Variants in DNAH7 observed in about 807,000 individuals in gnomAD.
DNAH7 encodes axonemal beta dynein heavy chain 7.
DNAH7 carries 397 observed loss-of-function variants against 444.6 expected under a neutral mutation model. That is an observed-to-expected ratio of 0.89 (90% CI 0.82 to 0.97). DNAH7 has a LOEUF of 0.97. Among genes scored for constraint, DNAH7 ranks in the 50% least tolerant of loss-of-function variants. DNAH7 has a pLI of 0.00. For synonymous variants in DNAH7, 1,636 were observed against 1,624.4 expected, an observed-to-expected ratio of 1.01 and a Z score of -0.17; for missense variants, 4,902 against 4,800.8, an observed-to-expected ratio of 1.02 and a Z score of -0.62.
chr2:196,011,777 A>G (rs1399807535), intron 10 of DNAH7, among the ~76,000 whole-genome samples: 5 of 152,144 alleles, frequency 3.3e-5, no homozygotes, highest in Admixed American at 2.6e-4. Flanking sequence ...ATAATTCAAT[A>G]AAGGTTTGTA....
chr2:195,871,018 G>C (rs1369628479), intron 40 of DNAH7, among the ~76,000 whole-genome samples: 1 of 152,114 alleles, frequency 6.6e-6, no homozygotes, highest in African/African-American at 2.4e-5. Flanking sequence ...CCTGGGAAGT[G>C]GGTCCCATTC....
chr2:195,994,850 G>A, intron 12 of DNAH7: 1 of 426,530 alleles, frequency 2.3e-6, no homozygotes, highest in Non-Finnish European at 4.6e-6. Flanking sequence ...TCCTGACTGA[G>A]CTTGGTTGCT....
intron 49 of DNAH7, among the ~76,000 whole-genome samples, chr2:195,823,379 A>G (rs898580117): frequency 6.6e-6 from 1 of 152,176 alleles, no homozygotes; most frequent in African/African-American, 2.4e-5. Flanking sequence ...GTCACTTTGC[A>G]TACACATTAT....
At chr2:195,793,099 T>TTTTA (rs1345856167) in intron 57 of DNAH7, among the ~76,000 whole-genome samples, 1 of 151,846 alleles carries the variant, frequency 6.6e-6, no homozygotes, top group East Asian at 1.9e-4. Flanking sequence ...CTGGCTAATT[T>TTTTA]TTTATTTATT....
intron 27 of DNAH7, chr2:195,901,046 C>A (rs574387133): frequency 1.9e-4 from 29 of 152,168 alleles, no homozygotes; most frequent in African/African-American, 7.0e-4. Context: ...AATGTTATGA[C>A]TTTATACCTT....
rs201765082 is a variant in DNAH7, at chr2:195,861,874, G to T, written c.7579C>A (p.Arg2527=). 2 of 1,613,934 alleles carry T rather than the reference G, an allele frequency of 1.2e-6. No individual in the cohort carries two copies. Among genetic ancestry groups the T allele is most frequent in the Non-Finnish European group, 1.7e-6 (2 of 1,179,850 alleles). Residue 2527 remains arginine, a synonymous_variant, in exon 42 of 65, where the codon CGA becomes AGA. Coordinates refer to ENST00000312428, the MANE Select transcript of DNAH7 (RefSeq NM_018897.3). ...LEEIEMSEEI[R]DGCIDMCKSF... is the part of the protein sequence containing the mutation. ...TTACACATGTCGATACAGCCATCTC[G>T]TATTTCCTCTGACATTTCAATTTCT...
At chr2:195,886,086 A>G in intron 34 of DNAH7, 55 bp downstream of exon 34, 1 of 1,530,250 alleles carries the variant, frequency 6.5e-7, no homozygotes, top group Non-Finnish European at 8.8e-7. Flanking sequence ...AGCTTTGGGG[A>G]AAGCAGTAGA....
chr2:195,798,589 G>A (rs959965189), intron 55 of DNAH7, among the ~76,000 whole-genome samples: 1 of 141,996 alleles, frequency 7.0e-6, no homozygotes, highest in Non-Finnish European at 1.5e-5. Flanking sequence ...TGTCGCCCAG[G>A]CTGGAGTGCT....
chr2:195,883,449 G>A (rs189528589), intron 35 of DNAH7, among the ~76,000 whole-genome samples: 4,601 of 135,722 alleles, frequency 0.034, 122 homozygotes, highest in South Asian at 0.049. Context: ...CTCAGTCCCC[G>A]CTCCCCCCCC....
At chr2:195,964,411 T>G (rs1691321031) in intron 17 of DNAH7, among the ~76,000 whole-genome samples, 1 of 152,066 alleles carries the variant, frequency 6.6e-6, no homozygotes, top group African/African-American at 2.4e-5. Flanking sequence ...CTATTGTAAA[T>G]GGGATTACTT....
intron 11 of DNAH7, among the ~76,000 whole-genome samples, 164 bp downstream of exon 11, chr2:196,001,511 T>C (rs192420201): frequency 6.6e-6 from 1 of 152,294 alleles, no homozygotes; most frequent in Non-Finnish European, 1.5e-5. Flanking sequence ...ACTACAGACA[T>C]GTGCCACCAT....
chr2:195,972,151 T>G lies in DNAH7; in HGVS notation c.2058+91A>C. The G allele has an allele frequency of 6.1e-6, 6 of 989,862 alleles. No individual in the cohort carries two copies. In the South Asian group the frequency reaches 8.2e-5, roughly 13 times the overall value. The allele number at this position is 989,862 out of a possible 1,614,324, so 61.3% of individuals were successfully genotyped here. ...ATAGTATGAGAAAGCTAAAAAAGTA[T>G]GCACTCAAATAAAATAATTGACAAT... On this transcript the variant is annotated intron_variant, in intron 16 of 64. Transcript: ENST00000312428.
intron 48 of DNAH7, among the ~76,000 whole-genome samples, chr2:195,832,161 AC>A (rs1214853860): frequency 6.6e-6 from 1 of 152,160 alleles, no homozygotes; most frequent in Non-Finnish European, 1.5e-5. Flanking sequence ...ATTGGTCATG[AC>A]CCACTAAATT....
intron 54 of DNAH7, among the ~76,000 whole-genome samples, chr2:195,802,241 T>A (rs1043430592): frequency 6.6e-6 from 1 of 152,372 alleles, no homozygotes; most frequent in African/African-American, 2.4e-5. Flanking sequence ...CCAGGCGTGG[T>A]GGCTCACACC....
At chr2:195,976,788 A>AGAGAGAGAGAGAGAGAGAGT (rs1559295144) in intron 15 of DNAH7, among the ~76,000 whole-genome samples, 1 of 144,370 alleles carries the variant, frequency 6.9e-6, no homozygotes. Flanking sequence ...AGAGAGAGAG[A>AGAGAGAGAGAGAGAGAGAGT]CTCTCTAATT....
At position 195,981,460 on chromosome 2, in the gene DNAH7, A is replaced by C. The variant is rs1285720249; in HGVS notation, c.1833+3172T>G. ...TGACATTCCTCAGAAATAGAAAAAA[A>C]AAACTTAAAATTTATACGAAACCGC... is the stretch of plus-strand genomic sequence containing the variant. On this transcript the variant is annotated intron_variant, in intron 15 of 64. Transcript: ENST00000312428. Among the ~76,000 whole-genome samples, 8 of 151,486 alleles carry C rather than the reference A, an allele frequency of 5.3e-5. No individual in the cohort carries two copies. In the South Asian group the frequency reaches 1.7e-3, roughly 31 times the overall value.
At chr2:195,989,656 G>C (rs991096636) in intron 12 of DNAH7, among the ~76,000 whole-genome samples, 4 of 152,178 alleles carry the variant, frequency 2.6e-5, no homozygotes, top group African/African-American at 9.7e-5. Flanking sequence ...CAGTGTTGCA[G>C]GTAGGGCCTG....
chr2:195,908,193 A>C (rs1353623448), intron 25 of DNAH7, among the ~76,000 whole-genome samples: 1 of 152,044 alleles, frequency 6.6e-6, no homozygotes, highest in East Asian at 1.9e-4. Context: ...AACTGCATGT[A>C]GAATTCTTTA....
At chr2:195,751,224 A>G (rs1693779707) in intron 63 of DNAH7, among the ~76,000 whole-genome samples, 2 of 152,204 alleles carry the variant, frequency 1.3e-5, no homozygotes, top group South Asian at 4.1e-4. Context: ...CTGAAAAATA[A>G]TATTTCTAAG....
Sources: allele counts gnomAD v4.1 joint callset (sites outside exome capture counted in the v4.1 genomes callset), GRCh38; gene constraint gnomAD v4.1.1; transcripts MANE v1.5; gene names NCBI Gene and HGNC (gene_info 2026-07-23, HGNC 2026-07-21).